Variants in CACNA1A observed in about 807,000 individuals in gnomAD.
CACNA1A encodes calcium voltage-gated channel subunit alpha1 A, also known as voltage-dependent P/Q-type calcium channel subunit alpha-1A.
In CACNA1A, 57 loss-of-function variants were observed where a neutral mutation model predicts 262.4. The observed-to-expected ratio is 0.22, with a 90% CI of 0.18 to 0.27. CACNA1A has a LOEUF of 0.27. CACNA1A is among the 10% of genes least tolerant of loss of function. The pLI, the probability that CACNA1A is intolerant of heterozygous loss-of-function variation, is 1.00. For missense variants in CACNA1A, 2,526 were observed against 3,562.8 expected (o/e 0.71, Z 7.41); for synonymous variants, 1,431 against 1,419.3 (o/e 1.01, Z -0.18).
chr19:13,317,059 G>C, intron 11 of CACNA1A, 53 bp downstream of exon 11: 9 of 1,154,278 alleles, frequency 7.8e-6, no homozygotes, highest in Non-Finnish European at 1.2e-5. Context: ...GTGGAAAAAG[G>C]GTGTGAGGGA....
At chr19:13,383,300 G>A (rs1462325417) in intron 3 of CACNA1A, among the ~76,000 whole-genome samples, 1 of 152,140 alleles carries the variant, frequency 6.6e-6, no homozygotes, top group Admixed American at 6.6e-5. Context: ...GCAGGAGAGA[G>A]GTATCAAGGG....
chr19:13,434,093 C>A (rs2060568609), intron 3 of CACNA1A, among the ~76,000 whole-genome samples: 1 of 152,186 alleles, frequency 6.6e-6, no homozygotes, highest in Admixed American at 6.5e-5. Flanking sequence ...ATGAAATAAT[C>A]CCTGCAAAGC....
chr19:13,237,897 T>A (rs947597778), intron 31 of CACNA1A, among the ~76,000 whole-genome samples: 8 of 152,162 alleles, frequency 5.3e-5, no homozygotes, highest in Non-Finnish European at 1.0e-4. Flanking sequence ...TCATAACATG[T>A]GGACTCGGCC....
intron 34 of CACNA1A, among the ~76,000 whole-genome samples, chr19:13,233,570 C>T (rs1485260894): frequency 6.6e-6 from 1 of 152,104 alleles, no homozygotes; most frequent in South Asian, 2.1e-4. Context: ...TTACTGTAGC[C>T]TGGAACTCCT....
intron 3 of CACNA1A, among the ~76,000 whole-genome samples, chr19:13,393,809 CCT>C (rs150142387): frequency 4.4e-3 from 450 of 102,422 alleles, no homozygotes; most frequent in African/African-American, 5.5e-3. Context: ...CTCCCTCCTT[CCT>C]CTCTCTCTCT....
In CACNA1A at chr19:13,284,797, ATTTG is replaced by A. The variant is rs146146582; in HGVS notation, c.3692+267_3692+270del. ...TTTATTTGTTGTTTAGGACAAATTTATTTGTTTATTTATGACAAATTTGTTTATT... is the reference window on the plus strand; with the variant it reads ...TTTATTTGTTGTTTAGGACAAATTTATTTATTTATGACAAATTTGTTTATT... On this transcript the variant is annotated intron_variant, in intron 21 of 46. Coordinates refer to ENST00000360228, the MANE Select transcript of CACNA1A (RefSeq NM_001127222.2). Among the ~76,000 whole-genome samples the A allele has an allele frequency of 2.1e-3, 322 of 152,294 alleles. 1 individual carries two copies. The Middle Eastern group carries it at 0.031, about 14-fold the overall frequency.
chr19:13,330,078 T>C (rs544051108), intron 10 of CACNA1A, among the ~76,000 whole-genome samples, 166 bp downstream of exon 10: 1 of 152,170 alleles, frequency 6.6e-6, no homozygotes, highest in Non-Finnish European at 1.5e-5. Flanking sequence ...ACGGATGTTA[T>C]TCCCATAATG....
At chr19:13,280,283 C>T (rs1600232224) in intron 22 of CACNA1A, among the ~76,000 whole-genome samples, 1 of 151,978 alleles carries the variant, frequency 6.6e-6, no homozygotes, top group African/African-American at 2.4e-5. Flanking sequence ...CCAAGTGATC[C>T]TCCCACCTCA....
At chr19:13,480,530 G>T (rs2145078627) in intron 1 of CACNA1A, among the ~76,000 whole-genome samples, 1 of 152,200 alleles carries the variant, frequency 6.6e-6, no homozygotes, top group African/African-American at 2.4e-5. Context: ...CTTTGGGGGA[G>T]TCAGAAGTTA....
intron 38 of CACNA1A, among the ~76,000 whole-genome samples, chr19:13,220,059 A>G (rs1488714061): frequency 6.6e-6 from 1 of 152,026 alleles, no homozygotes; most frequent in Non-Finnish European, 1.5e-5. Flanking sequence ...GGAGTTCAAA[A>G]CCAGCCTGGC....
At chr19:13,227,283 GAAAAA>G (rs1022720032) in intron 37 of CACNA1A, 143 bp downstream of exon 37, 3 of 436,724 alleles carry the variant, frequency 6.9e-6, no homozygotes, top group Non-Finnish European at 1.3e-5. Flanking sequence ...CTCGAGAAAA[GAAAAA>G]AAAGAATCAA....
chr19:13,243,331 C>T (rs371413248), intron 31 of CACNA1A, among the ~76,000 whole-genome samples: 10 of 152,160 alleles, frequency 6.6e-5, no homozygotes, highest in Non-Finnish European at 1.5e-4. Context: ...CACTTGGGTG[C>T]GGGTGCCGTA....
At chr19:13,238,151 T>C (rs2055942115) in intron 31 of CACNA1A, among the ~76,000 whole-genome samples, 1 of 152,164 alleles carries the variant, frequency 6.6e-6, no homozygotes, top group Non-Finnish European at 1.5e-5. Context: ...CCTCCATCTC[T>C]TCCTGCATCA....
rs767187794 is a variant in CACNA1A, at chr19:13,298,836, C to T, written c.2797G>A (p.Val933Met). The T allele has an allele frequency of 8.9e-6, 14 of 1,580,876 alleles. No individual in the cohort carries two copies. The highest frequency in any genetic ancestry group is 1.2e-5 in the Non-Finnish European group (14 of 1,172,938). Residue 933 changes from valine (V) to methionine (M), a missense_variant, in exon 19 of 47, where the codon GTG becomes ATG. By Grantham distance (21) the Val-to-Met change is conservative. Transcript: ENST00000360228. ...TCCCTGCTGCCCCCCTGCCGGTGCA[C>T]GTGCCTCCGGTGGGGGTCCCCGGCC... The part of the protein sequence containing the change: ...GKAGDPHRRH[V>M]HRQGGSRESR...
At chr19:13,450,209 C>T (rs2060891001) in intron 3 of CACNA1A, 1 of 151,456 alleles carries the variant, frequency 6.6e-6, no homozygotes, top group African/African-American at 2.4e-5. Context: ...ACTTCTCTAT[C>T]CCCAATTCTC....
intron 1 of CACNA1A, among the ~76,000 whole-genome samples, chr19:13,477,880 A>G (rs1978749154): frequency 6.6e-6 from 1 of 152,050 alleles, no homozygotes; most frequent in African/African-American, 2.4e-5. Context: ...TTATTTGTCA[A>G]CCCCACTATC....
chr19:13,376,716 CATA>C (rs998520514), intron 3 of CACNA1A, among the ~76,000 whole-genome samples: 14 of 147,274 alleles, frequency 9.5e-5, no homozygotes, highest in Non-Finnish European at 1.8e-4. Flanking sequence ...ATACACTACA[CATA>C]ATATATGTTA....
intron 3 of CACNA1A, among the ~76,000 whole-genome samples, chr19:13,374,148 A>G (rs555948975): frequency 5.9e-5 from 9 of 152,210 alleles, no homozygotes; most frequent in Non-Finnish European, 1.0e-4. Context: ...AAGAAATGAC[A>G]TGGTGTCACC....
intron 3 of CACNA1A, among the ~76,000 whole-genome samples, chr19:13,413,104 TTTTTTTTTG>T: frequency 8.3e-6 from 1 of 119,904 alleles, no homozygotes; most frequent in African/African-American, 5.6e-5. Flanking sequence ...TTTTTTGTTT[TTTTTTTTTG>T]TTTTTTTTTT....
Sources: gnomAD v4.1 joint callset for allele counts (sites outside exome capture counted in the v4.1 genomes callset) on GRCh38, gnomAD v4.1.1 for gene constraint, MANE v1.5 for transcripts, NCBI Gene and HGNC (gene_info 2026-07-23, HGNC 2026-07-21) for gene names.